The following CSNK1G3 variants were observed in gnomAD, a reference collection of about 807,000 sequenced individuals.
The protein encoded by CSNK1G3 is casein kinase I isoform gamma-3.
In CSNK1G3, 23 loss-of-function variants were observed where a neutral mutation model predicts 64.3. The ratio of observed to expected loss-of-function variants is 0.36; its 90% confidence interval spans 0.26 to 0.51. The LOEUF is 0.51. CSNK1G3 is among the 20% of genes least tolerant of loss of function. The probability of loss-of-function intolerance (pLI) is 0.96; values close to 1 mark genes in which losing one functional copy is unlikely to be tolerated. For synonymous variants in CSNK1G3, 158 were observed against 162.2 expected (o/e 0.97, Z 0.20); for missense variants, 357 against 510.5 (o/e 0.70, Z 2.90).
chr5:123,600,641 AAG>A (rs1561611819), intron 10 of CSNK1G3, among the ~76,000 whole-genome samples: 2 of 151,956 alleles, frequency 1.3e-5, no homozygotes, highest in Non-Finnish European at 2.9e-5. Context: ...AAAAAAAAGA[AAG>A]AAAGAAATTA....
At chr5:123,513,682 A>G (rs1776641995) in intron 1 of CSNK1G3, among the ~76,000 whole-genome samples, 1 of 152,218 alleles carries the variant, frequency 6.6e-6, no homozygotes, top group Admixed American at 6.5e-5. Context: ...AACTATATCT[A>G]AGATGGGATA....
At chr5:123,561,637 G>GTAAAGACAACTTCCAGTTCTT (rs1785744520) in intron 4 of CSNK1G3, among the ~76,000 whole-genome samples, 1 of 152,132 alleles carries the variant, frequency 6.6e-6, no homozygotes, top group Non-Finnish European at 1.5e-5. Context: ...TACTATTTGT[G>GTAAAGACAACTTCCAGTTCTT]TAAAGACAAC....
At chr5:123,589,514 G>A (rs1305637944) in intron 8 of CSNK1G3, among the ~76,000 whole-genome samples, 2 of 152,024 alleles carry the variant, frequency 1.3e-5, no homozygotes, top group Non-Finnish European at 2.9e-5. Flanking sequence ...CCTAAAGAAG[G>A]TCACTGCACA....
At chr5:123,570,736 T>G (rs1787928888) in intron 4 of CSNK1G3, among the ~76,000 whole-genome samples, 1 of 152,210 alleles carries the variant, frequency 6.6e-6, no homozygotes, top group Admixed American at 6.5e-5. Flanking sequence ...TGATCTGGTT[T>G]CCATGCACCC....
At chr5:123,605,775 CAGTA>C (rs748064823) in intron 12 of CSNK1G3, among the ~76,000 whole-genome samples, 14 of 152,180 alleles carry the variant, frequency 9.2e-5, no homozygotes, top group Admixed American at 2.0e-4. Flanking sequence ...ATCACTAAAA[CAGTA>C]TTTCATTTAC....
At chr5:123,576,347 G>C (rs1581227601) in intron 6 of CSNK1G3, among the ~76,000 whole-genome samples, 1 of 152,180 alleles carries the variant, frequency 6.6e-6, no homozygotes, top group Non-Finnish European at 1.5e-5. Flanking sequence ...AATATGGCTA[G>C]CCACAGAAAT....
intron 4 of CSNK1G3, among the ~76,000 whole-genome samples, chr5:123,570,875 AGTAGCTGAGAGCTGTCGATGTTGTG>A (rs1218371020): frequency 6.6e-6 from 1 of 152,184 alleles, no homozygotes; most frequent in Non-Finnish European, 1.5e-5. Flanking sequence ...TTCAAAGCTT[AGTAGCTGAGAGCTGTCGATGTTGTG>A]GTAGCTGAGA....
exon 6 of CSNK1G3, chr5:123,575,773 A>G (rs747011816): frequency 1.2e-6 from 2 of 1,613,536 alleles, no homozygotes; most frequent in South Asian, 2.2e-5. Flanking sequence ...TGATATACAG[A>G]GATGTAAAAC....
At chr5:123,534,164 C>G (rs571628167) in intron 1 of CSNK1G3, among the ~76,000 whole-genome samples, 1 of 151,960 alleles carries the variant, frequency 6.6e-6, no homozygotes, top group Non-Finnish European at 1.5e-5. Flanking sequence ...TCATCAAATA[C>G]GACAGGCAAT....
chr5:123,526,840 T>TTGTGTGTGTGTG (rs34275675), intron 1 of CSNK1G3, among the ~76,000 whole-genome samples: 8 of 126,678 alleles, frequency 6.3e-5, no homozygotes, highest in South Asian at 2.6e-4. Context: ...CATGTACAGA[T>TTGTGTGTGTGTG]TGTGTGTGTG....
At chr5:123,580,173 G>A (rs1286892157) in intron 6 of CSNK1G3, among the ~76,000 whole-genome samples, 1 of 151,796 alleles carries the variant, frequency 6.6e-6, no homozygotes. Context: ...CCTGGATCTT[G>A]GTGATTACTT....
chr5:123,562,227 A>C (rs1785890362), intron 4 of CSNK1G3, among the ~76,000 whole-genome samples: 1 of 152,138 alleles, frequency 6.6e-6, no homozygotes, highest in African/African-American at 2.4e-5. Context: ...GCATTTTCTG[A>C]CATCTTTTCC....
At chr5:123,545,256 A>C (rs1010349479) in intron 1 of CSNK1G3, among the ~76,000 whole-genome samples, 161 bp from the exon 2 acceptor site, 1 of 152,158 alleles carries the variant, frequency 6.6e-6, no homozygotes, top group Non-Finnish European at 1.5e-5. Flanking sequence ...AGGTATATAA[A>C]TAAAGGGTAG....
intron 4 of CSNK1G3, among the ~76,000 whole-genome samples, chr5:123,563,673 G>A (rs1786239720): frequency 6.6e-6 from 1 of 151,998 alleles, no homozygotes; most frequent in African/African-American, 2.4e-5. Context: ...AAACCATTCA[G>A]TAGTATCTAA....
intron 3 of CSNK1G3, among the ~76,000 whole-genome samples, chr5:123,555,193 T>G (rs1784410030): frequency 6.6e-6 from 1 of 152,196 alleles, no homozygotes; most frequent in African/African-American, 2.4e-5. Context: ...TACATTGTTC[T>G]TTGGGGGAAC....
chr5:123,525,220 CT>C (rs910945450), intron 1 of CSNK1G3, among the ~76,000 whole-genome samples: 241 of 135,764 alleles, frequency 1.8e-3, no homozygotes, highest in Admixed American at 2.5e-3. Flanking sequence ...TTGTTTCTGT[CT>C]TTTTTTTTTT....
intron 4 of CSNK1G3, among the ~76,000 whole-genome samples, chr5:123,565,324 C>T (rs1202488872): frequency 6.6e-6 from 1 of 152,060 alleles, no homozygotes; most frequent in Admixed American, 6.5e-5. Flanking sequence ...TCTCACGGAC[C>T]ACCTCTGTCC....
intron 2 of CSNK1G3, among the ~76,000 whole-genome samples, chr5:123,551,830 A>G (rs559199438): frequency 5.3e-5 from 8 of 152,234 alleles, no homozygotes; most frequent in Admixed American, 4.6e-4. Context: ...TGTTTTCCTC[A>G]CTATAAAAGT....
intron 5 of CSNK1G3, among the ~76,000 whole-genome samples, chr5:123,575,315 A>G (rs1298213114): frequency 6.6e-6 from 1 of 152,212 alleles, no homozygotes; most frequent in Admixed American, 6.5e-5. Flanking sequence ...AAGTTTCTTT[A>G]ATATACTTGT....
Sources: allele counts gnomAD v4.1 joint callset (sites outside exome capture counted in the v4.1 genomes callset), GRCh38; gene constraint gnomAD v4.1.1; transcripts MANE v1.5; gene names NCBI Gene and HGNC (gene_info 2026-07-23, HGNC 2026-07-21).